Variants in CDH23 observed in about 807,000 individuals in gnomAD.
CDH23 encodes the protein cadherin-23.
A neutral mutation model predicts 317.1 loss-of-function variants in CDH23; 189 were observed. That is an observed-to-expected ratio of 0.60 (90% CI 0.53 to 0.67). The LOEUF (loss-of-function observed/expected upper bound fraction) is 0.67. Among genes scored for constraint, CDH23 ranks in the 30% least tolerant of loss-of-function variants. The probability of loss-of-function intolerance (pLI) is 0.00; values close to 1 mark genes in which losing one functional copy is unlikely to be tolerated. For missense variants in CDH23, 4,401 were observed against 4,592.4 expected, an observed-to-expected ratio of 0.96 and a Z score of 1.20; for synonymous variants, 1,839 against 1,876.8, an observed-to-expected ratio of 0.98 and a Z score of 0.52.
chr10:71,403,314 T>TCTTTCTTCCTTCCTTCCTTC (rs1847873707), intron 1 of CDH23, among the ~76,000 whole-genome samples: 2 of 102,772 alleles, frequency 1.9e-5, no homozygotes, highest in African/African-American at 1.4e-4. Flanking sequence ...TCTTTCTCTT[T>TCTTTCTTCCTTCCTTCCTTC]CTTCCTTCCT....
At chr10:71,423,788 T>G (rs1249075940) in intron 1 of CDH23, among the ~76,000 whole-genome samples, 1 of 152,200 alleles carries the variant, frequency 6.6e-6, no homozygotes, top group Non-Finnish European at 1.5e-5. Context: ...CCAAGGCCAG[T>G]GAAGGCCAAG....
chr10:71,790,193 C>T, intron 45 of CDH23, 95 bp from the exon 46 acceptor site: 4 of 1,508,534 alleles, frequency 2.7e-6, no homozygotes, highest in Non-Finnish European at 3.6e-6. Flanking sequence ...CCCCTCTCAT[C>T]CATCGTCAGC....
intron 38 of CDH23, among the ~76,000 whole-genome samples, chr10:71,746,925 A>G (rs1839865094): frequency 6.6e-6 from 1 of 152,082 alleles, no homozygotes; most frequent in South Asian, 2.1e-4. Flanking sequence ...TTGGCAGTAC[A>G]CCTCATGTCT....
At chr10:71,429,011 A>G (rs1228887985) in intron 1 of CDH23, among the ~76,000 whole-genome samples, 1 of 152,126 alleles carries the variant, frequency 6.6e-6, no homozygotes, top group Admixed American at 6.5e-5. Context: ...TGATTTGTAG[A>G]TATTTTCTGT....
At chr10:71,610,058 T>A (rs973052505) in intron 9 of CDH23, among the ~76,000 whole-genome samples, 4 of 151,630 alleles carry the variant, frequency 2.6e-5, no homozygotes, top group Non-Finnish European at 5.9e-5. Flanking sequence ...AGGCTGGAGT[T>A]CAGTGGCATG....
chr10:71,398,712 C>G (rs894924355), intron 1 of CDH23, among the ~76,000 whole-genome samples: 1 of 152,000 alleles, frequency 6.6e-6, no homozygotes, highest in Non-Finnish European at 1.5e-5. Flanking sequence ...TGGGAAGGGG[C>G]CCCTTGCCTG....
chr10:71,435,532 A>C (rs776234369), intron 1 of CDH23, among the ~76,000 whole-genome samples: 1 of 152,216 alleles, frequency 6.6e-6, no homozygotes, highest in Admixed American at 6.5e-5. Flanking sequence ...GAGGGCTCTA[A>C]GCCAGCACTT....
intron 3 of CDH23, among the ~76,000 whole-genome samples, chr10:71,449,371 C>T (rs962057299): frequency 6.6e-6 from 1 of 152,244 alleles, no homozygotes; most frequent in African/African-American, 2.4e-5. Context: ...ATGGTCAGCT[C>T]GTGGGCCTAC....
At chr10:71,710,100 A>C (rs1337708742) in intron 27 of CDH23, among the ~76,000 whole-genome samples, 1 of 152,216 alleles carries the variant, frequency 6.6e-6, no homozygotes, top group Non-Finnish European at 1.5e-5. Flanking sequence ...AATTATGGGA[A>C]TACAATTCAA....
chr10:71,418,336 C>T (rs1342720626), intron 1 of CDH23, among the ~76,000 whole-genome samples: 1 of 152,186 alleles, frequency 6.6e-6, no homozygotes, highest in East Asian at 1.9e-4. Flanking sequence ...AGCAGCTGAT[C>T]ATCTTAATCC....
At chr10:71,686,193 C>G (rs76730181) in intron 18 of CDH23, among the ~76,000 whole-genome samples, 1 of 152,008 alleles carries the variant, frequency 6.6e-6, no homozygotes, top group African/African-American at 2.4e-5. Flanking sequence ...GAAATATCAC[C>G]GCTAATAAGT....
chr10:71,538,593 G>C (rs143774583), intron 6 of CDH23, among the ~76,000 whole-genome samples: 1 of 151,936 alleles, frequency 6.6e-6, no homozygotes, highest in Non-Finnish European at 1.5e-5. Flanking sequence ...TTAGCAAAAC[G>C]GTACAAGGCA....
At chr10:71,701,117 G>A (rs1482692467) in intron 22 of CDH23, among the ~76,000 whole-genome samples, 4 of 152,194 alleles carry the variant, frequency 2.6e-5, no homozygotes, top group Admixed American at 2.0e-4. Context: ...GGGGGTGAGC[G>A]AGGGGTAAGG....
chr10:71,702,843 T>C (rs2132734036), intron 24 of CDH23, 149 bp downstream of exon 24: 1 of 890,544 alleles, frequency 1.1e-6, no homozygotes, highest in East Asian at 2.6e-5. Context: ...GAGGGAAGTG[T>C]GGCAGGAAAA....
chr10:71,645,204 G>T (rs1268873255), intron 12 of CDH23, among the ~76,000 whole-genome samples: 5 of 152,218 alleles, frequency 3.3e-5, no homozygotes, highest in African/African-American at 1.2e-4. Context: ...GTGATGGGGT[G>T]GCCACCCTGT....
chr10:71,648,225 C>T (rs527610268), intron 14 of CDH23, among the ~76,000 whole-genome samples: 12 of 152,332 alleles, frequency 7.9e-5, no homozygotes, highest in East Asian at 7.7e-4. Context: ...AATCACCAGG[C>T]GCTTGAGGCC....
chr10:71,610,711 C>A (rs1589260106), intron 9 of CDH23, among the ~76,000 whole-genome samples: 1 of 151,294 alleles, frequency 6.6e-6, no homozygotes, highest in African/African-American at 2.4e-5. Flanking sequence ...TCCCCACCCC[C>A]CGACCCCTGC....
At chr10:71,718,666 A>G (rs775288236) in intron 28 of CDH23, among the ~76,000 whole-genome samples, 1 of 152,222 alleles carries the variant, frequency 6.6e-6, no homozygotes, top group African/African-American at 2.4e-5. Context: ...AGATGCCTCA[A>G]TCCTACTAGT....
At chr10:71,588,447 T>C (rs1859236873) in intron 9 of CDH23, among the ~76,000 whole-genome samples, 1 of 152,146 alleles carries the variant, frequency 6.6e-6, no homozygotes, top group Non-Finnish European at 1.5e-5. Context: ...GATGAGTTAA[T>C]ACAAGTAAAG....
Sources: allele counts gnomAD v4.1 joint callset (sites outside exome capture counted in the v4.1 genomes callset), GRCh38; gene constraint gnomAD v4.1.1; transcripts MANE v1.5; gene names NCBI Gene and HGNC (gene_info 2026-07-23, HGNC 2026-07-21).